The following STAG1 variants were observed in gnomAD, a reference collection of about 807,000 sequenced individuals.
STAG1 encodes cohesin subunit SA-1.
In STAG1, 26 loss-of-function variants were observed where a neutral mutation model predicts 170.9. The ratio of observed to expected loss-of-function variants is 0.15; its 90% CI spans 0.11 to 0.21. The LOEUF (loss-of-function observed/expected upper bound fraction) is 0.21, where lower values mean the gene tolerates loss of function less well. Among genes scored for constraint, STAG1 ranks in the 10% least tolerant of loss-of-function variants. The pLI is 1.00. For synonymous variants in STAG1, 514 were observed against 497.7 expected (o/e 1.03, Z -0.44); for missense variants, 964 against 1,509.5 (o/e 0.64, Z 5.99).
chr3:136,579,694 TG>T (rs1257851820), intron 4 of STAG1, among the ~76,000 whole-genome samples: 6 of 152,174 alleles, frequency 3.9e-5, no homozygotes, highest in African/African-American at 1.4e-4. Context: ...TTTATTGAGG[TG>T]TCCACCAGGC....
intron 1 of STAG1, among the ~76,000 whole-genome samples, chr3:136,713,093 A>G (rs576108845): frequency 6.6e-6 from 1 of 152,304 alleles, no homozygotes; most frequent in African/African-American, 2.4e-5. Context: ...ACTCCGTCTC[A>G]AAACAAAACC....
intron 4 of STAG1, among the ~76,000 whole-genome samples, chr3:136,589,738 C>A (rs1938056744): frequency 6.6e-6 from 1 of 151,578 alleles, no homozygotes; most frequent in South Asian, 2.1e-4. Flanking sequence ...CAAGACCAAC[C>A]TAGCCAACAT....
intron 3 of STAG1, among the ~76,000 whole-genome samples, chr3:136,618,226 A>C (rs1418888801): frequency 1.3e-5 from 2 of 151,336 alleles, no homozygotes; most frequent in African/African-American, 4.9e-5. Flanking sequence ...CCACCAAACC[A>C]CTCACCCCGT....
intron 1 of STAG1, among the ~76,000 whole-genome samples, chr3:136,723,890 A>AGCCCCCCGCCCG (rs1282604275): frequency 2.8e-5 from 4 of 140,458 alleles, no homozygotes; most frequent in Non-Finnish European, 6.2e-5. Context: ...TGGGGGAGTC[A>AGCCCCCCGCCCG]GCCCCCCGCC....
At chr3:136,436,117 G>A (rs761732995) in intron 15 of STAG1, among the ~76,000 whole-genome samples, 4 of 151,348 alleles carry the variant, frequency 2.6e-5, no homozygotes, top group Non-Finnish European at 5.9e-5. Context: ...CACCACACCC[G>A]GCTAATTTTT....
chr3:136,457,142 T>C (rs1176202361), intron 13 of STAG1, among the ~76,000 whole-genome samples: 3 of 152,104 alleles, frequency 2.0e-5, no homozygotes, highest in Non-Finnish European at 2.9e-5. Flanking sequence ...CTCATGGCCT[T>C]TGGAACAGCA....
At chr3:136,394,544 G>T (rs2087096787) in intron 22 of STAG1, among the ~76,000 whole-genome samples, 1 of 152,160 alleles carries the variant, frequency 6.6e-6, no homozygotes, top group African/African-American at 2.4e-5. Flanking sequence ...GGGAGGCTGA[G>T]GCGGGTGGAC....
At chr3:136,553,028 AAAGACTT>A (rs1232142198) in intron 5 of STAG1, among the ~76,000 whole-genome samples, 1 of 152,220 alleles carries the variant, frequency 6.6e-6, no homozygotes, top group Non-Finnish European at 1.5e-5. Context: ...ACAGGCTCAC[AAAGACTT>A]AAAATACTAG....
intron 5 of STAG1, among the ~76,000 whole-genome samples, chr3:136,563,221 T>A (rs1936914324): frequency 6.6e-6 from 1 of 152,218 alleles, no homozygotes; most frequent in Non-Finnish European, 1.5e-5. Flanking sequence ...ATTGTGCTCT[T>A]CATCAAACTT....
In STAG1 at chr3:136,538,024, T is replaced by C. The variant is rs113511131; in HGVS notation, c.471+4095A>G. On this transcript the variant is annotated intron_variant, in intron 6 of 33. Coordinates refer to ENST00000383202, the MANE Select transcript of STAG1 (RefSeq NM_005862.3). The stretch of plus-strand genomic sequence containing the variant: ...AAACTTTAAATTATTATTAAGACTA[T>C]TAAAAATAAAGATATACACCCATTA... Among the ~76,000 whole-genome samples the C allele has an allele frequency of 7.8e-3, 1,192 of 152,208 alleles. 13 individuals carry two copies. The highest frequency in any genetic ancestry group is 0.027 in the African/African-American group (1,136 of 41,526).
rs933573008 is a variant in STAG1 at position 136,392,784 on chromosome 3, A to G, written c.2277+5965T>C. ...CCGTCTCAAAAAAAAAAAAAAAAAA[A>G]AGAAAAGAAAATACACCAAAATATT... is the stretch of plus-strand genomic sequence containing the variant. On this transcript the variant is annotated intron_variant, in intron 22 of 33. Coordinates refer to ENST00000383202, the MANE Select transcript of STAG1 (RefSeq NM_005862.3). Among the ~76,000 whole-genome samples the G allele has an allele frequency of 1.6e-4, 22 of 138,656 alleles. No individual in the cohort carries two copies. In the East Asian group the frequency reaches 4.7e-3, roughly 30 times the overall value. 91.0% of individuals were successfully genotyped at this position (138,656 alleles called of 152,430 possible).
intron 9 of STAG1, among the ~76,000 whole-genome samples, chr3:136,488,961 C>G (rs2090070236): frequency 1.3e-5 from 2 of 152,040 alleles, no homozygotes; most frequent in Non-Finnish European, 2.9e-5. Context: ...TGGGAGCATC[C>G]AAAGCAAAGA....
intron 4 of STAG1, among the ~76,000 whole-genome samples, chr3:136,601,366 ATT>A (rs1435579570): frequency 6.6e-6 from 1 of 152,174 alleles, no homozygotes; most frequent in African/African-American, 2.4e-5. Flanking sequence ...AGTAAAAAAT[ATT>A]AATAATTAAA....
chr3:136,701,551 C>T (rs1258546185), intron 1 of STAG1, among the ~76,000 whole-genome samples: 1 of 152,082 alleles, frequency 6.6e-6, no homozygotes, highest in Non-Finnish European at 1.5e-5. Flanking sequence ...GATCTGAACT[C>T]GCTTCCTACC....
At chr3:136,638,433 C>A (rs1385788152) in intron 1 of STAG1, among the ~76,000 whole-genome samples, 1 of 152,148 alleles carries the variant, frequency 6.6e-6, no homozygotes, top group African/African-American at 2.4e-5. Context: ...CCAAGTCCAA[C>A]CTCACTTCTA....
chr3:136,438,593 A>G (rs2088532210), intron 15 of STAG1, among the ~76,000 whole-genome samples: 1 of 152,130 alleles, frequency 6.6e-6, no homozygotes, highest in Admixed American at 6.6e-5. Context: ...GATTCAGTCT[A>G]AAGATAGATC....
At chr3:136,500,860 C>A (rs1933428937) in intron 8 of STAG1, among the ~76,000 whole-genome samples, 1 of 152,090 alleles carries the variant, frequency 6.6e-6, no homozygotes, top group African/African-American at 2.4e-5. Context: ...GGCAAAGATA[C>A]AAATTTCAGG....
intron 1 of STAG1, among the ~76,000 whole-genome samples, chr3:136,681,684 C>G (rs561508301): frequency 6.6e-6 from 1 of 151,994 alleles, no homozygotes; most frequent in African/African-American, 2.4e-5. Flanking sequence ...ATTAAAAAGA[C>G]TATAAACCAT....
intron 6 of STAG1, among the ~76,000 whole-genome samples, chr3:136,524,580 C>T (rs917626299): frequency 6.6e-6 from 1 of 152,112 alleles, no homozygotes; most frequent in Admixed American, 6.6e-5. Context: ...AATTGAATAC[C>T]CTTTATTTCT....
Sources: allele counts gnomAD v4.1 joint callset (sites outside exome capture counted in the v4.1 genomes callset), GRCh38; gene constraint gnomAD v4.1.1; transcripts MANE v1.5; gene names NCBI Gene and HGNC (gene_info 2026-07-23, HGNC 2026-07-21).